THSD7B: variants seen among roughly 807,000 people sequenced by gnomAD.
THSD7B encodes the protein thrombospondin type 1 domain containing 7B, also known as thrombospondin type-1 domain-containing protein 7B.
Under a neutral mutation model 213.6 loss-of-function variants are expected in THSD7B, and 138 were observed. That is an observed-to-expected ratio of 0.65 (90% CI 0.56 to 0.74). The LOEUF (loss-of-function observed/expected upper bound fraction) is 0.74. Ranked by LOEUF, THSD7B falls within the 30% of genes least tolerant of loss-of-function variation. The pLI is 0.00. For missense variants in THSD7B, 1,931 were observed against 1,991.5 expected, an observed-to-expected ratio of 0.97 and a Z score of 0.58; for synonymous variants, 742 against 687.0, an observed-to-expected ratio of 1.08 and a Z score of -1.25.
At chr2:136,790,418 T>C (rs1377757170) in intron 1 of THSD7B, among the ~76,000 whole-genome samples, 3 of 152,118 alleles carry the variant, frequency 2.0e-5, no homozygotes, top group African/African-American at 7.2e-5. Flanking sequence ...TCACATTTGT[T>C]CATCAAAGTT....
At chr2:137,395,831 C>G (rs1044612762) in intron 12 of THSD7B, among the ~76,000 whole-genome samples, 1 of 149,902 alleles carries the variant, frequency 6.7e-6, no homozygotes, top group African/African-American at 2.5e-5. Flanking sequence ...ATTATTGCCA[C>G]AATTTCAGCT....
chr2:137,274,820 T>A (rs1411226803), intron 11 of THSD7B, among the ~76,000 whole-genome samples: 1 of 152,068 alleles, frequency 6.6e-6, no homozygotes, highest in Non-Finnish European at 1.5e-5. Flanking sequence ...ATAAAGTAAA[T>A]TTATAACAAT....
chr2:137,056,938 C>T lies in THSD7B; in HGVS notation c.658C>T (p.Leu220=). The T allele has an allele frequency of 6.2e-7, 1 of 1,613,940 alleles. No homozygotes were observed. The highest frequency in any genetic ancestry group is 1.1e-5 in the South Asian group (1 of 91,080). The change falls in exon 3 of 28, where the codon CTG becomes TTG. Residue 220 remains leucine, a synonymous_variant. Coordinates refer to ENST00000409968, the MANE Select transcript of THSD7B (RefSeq NM_001316349.2). ...PLFGGLQCPN[L]TESRACDAPI... is the part of the protein sequence containing the mutation. ...CTTTGGTGGTTTGCAATGTCCAAAT[C>T]TGACTGAGTCAAGAGCCTGTGATGC...
chr2:137,441,311 C>G (rs1371319455), intron 14 of THSD7B, among the ~76,000 whole-genome samples: 1 of 152,062 alleles, frequency 6.6e-6, no homozygotes, highest in African/African-American at 2.4e-5. Flanking sequence ...TGAGCCTCCC[C>G]AGCAGAACCT....
rs146558461 is a variant in THSD7B, at chr2:137,083,358, T to G, written c.951-11515T>G. ...TCCTTTATATTTATTTTTTGGTAGTTTAAAAATCACTTTTAATATTTTCAA... is the reference window on the plus strand; with the variant it reads ...TCCTTTATATTTATTTTTTGGTAGTGTAAAAATCACTTTTAATATTTTCAA... On this transcript the variant is annotated intron_variant, in intron 3 of 27. Coordinates refer to ENST00000409968, the MANE Select transcript of THSD7B (RefSeq NM_001316349.2). Among the ~76,000 whole-genome samples, 266 of 152,242 alleles carry G rather than the reference T, an allele frequency of 1.7e-3. 1 individual carries two copies. The highest frequency in any genetic ancestry group is 6.2e-3 in the African/African-American group (259 of 41,572).
At chr2:137,568,991 G>T (rs1298408826) in intron 16 of THSD7B, among the ~76,000 whole-genome samples, 3 of 152,208 alleles carry the variant, frequency 2.0e-5, no homozygotes, top group Non-Finnish European at 2.9e-5. Context: ...TTATTAAGGT[G>T]AGGACTTTGT....
chr2:137,080,367 G>GT (rs70975798), intron 3 of THSD7B, among the ~76,000 whole-genome samples: 3,074 of 98,284 alleles, frequency 0.031, 58 homozygotes, highest in Non-Finnish European at 0.042. Context: ...ATGCCCAGCT[G>GT]TTTTTTTTTT....
intron 10 of THSD7B, among the ~76,000 whole-genome samples, chr2:137,265,394 A>T (rs1682563105): frequency 6.6e-6 from 1 of 152,202 alleles, no homozygotes; most frequent in Non-Finnish European, 1.5e-5. Context: ...ACCACTGTGG[A>T]AGTCAGTGTG....
At chr2:137,126,449 C>T (rs188235457) in intron 5 of THSD7B, among the ~76,000 whole-genome samples, 1 of 151,432 alleles carries the variant, frequency 6.6e-6, no homozygotes, top group East Asian at 2.0e-4. Flanking sequence ...TTGAAGGTTT[C>T]CCCCACCCCC....
At chr2:136,952,585 A>G (rs1685055754) in intron 2 of THSD7B, among the ~76,000 whole-genome samples, 1 of 152,136 alleles carries the variant, frequency 6.6e-6, no homozygotes, top group Non-Finnish European at 1.5e-5. Flanking sequence ...ATCATCTAAC[A>G]GACCCAAACC....
At chr2:137,590,792 G>GTTTTTTTTTTTTTTGTTTTTTTTT (rs1681847358) in intron 17 of THSD7B, among the ~76,000 whole-genome samples, 1 of 88,716 alleles carries the variant, frequency 1.1e-5, no homozygotes, top group African/African-American at 4.1e-5. Flanking sequence ...CTTTGAAATA[G>GTTTTTTTTTTTTTTGTTTTTTTTT]TTTTTTTTTT....
At chr2:137,416,311 G>A (rs902868510) in intron 14 of THSD7B, among the ~76,000 whole-genome samples, 1 of 152,100 alleles carries the variant, frequency 6.6e-6, no homozygotes, top group East Asian at 1.9e-4. Context: ...TCCTCAGCTG[G>A]ACCCTCGAGG....
At chr2:137,270,744 TA>T (rs550901849) in intron 10 of THSD7B, among the ~76,000 whole-genome samples, 1 of 151,970 alleles carries the variant, frequency 6.6e-6, no homozygotes, top group Admixed American at 6.6e-5. Flanking sequence ...GGGTAGGTCT[TA>T]AAAAAATATG....
At chr2:137,089,036 G>A (rs189554813) in intron 3 of THSD7B, among the ~76,000 whole-genome samples, 145 of 152,166 alleles carry the variant, frequency 9.5e-4, no homozygotes, top group Middle Eastern at 6.8e-3. Context: ...ATATAAACTA[G>A]TGTAACCACT....
intron 2 of THSD7B, among the ~76,000 whole-genome samples, chr2:136,930,923 A>G (rs1684617443): frequency 6.6e-6 from 1 of 152,188 alleles, no homozygotes; most frequent in Non-Finnish European, 1.5e-5. Flanking sequence ...CTGGTTCAAT[A>G]TAGTACTACA....
At chr2:137,413,836 T>C (rs1686728353) in intron 14 of THSD7B, among the ~76,000 whole-genome samples, 2 of 152,174 alleles carry the variant, frequency 1.3e-5, no homozygotes, top group Non-Finnish European at 2.9e-5. Flanking sequence ...GTCTACAGAC[T>C]GACTTAAAAG....
At chr2:137,660,234 A>G (rs1042063634) in intron 25 of THSD7B, among the ~76,000 whole-genome samples, 1 of 151,872 alleles carries the variant, frequency 6.6e-6, no homozygotes, top group African/African-American at 2.4e-5. Flanking sequence ...TTTTTTTTTC[A>G]AAGCAGAAAT....
At chr2:136,796,874 C>A (rs764254015) in intron 1 of THSD7B, among the ~76,000 whole-genome samples, 110 of 151,724 alleles carry the variant, frequency 7.3e-4, no homozygotes, top group Non-Finnish European at 8.5e-4. Context: ...ACTTTCTCTG[C>A]TTCTATATCT....
At chr2:137,316,816 A>C (rs1684121273) in intron 12 of THSD7B, among the ~76,000 whole-genome samples, 1 of 151,960 alleles carries the variant, frequency 6.6e-6, no homozygotes, top group Admixed American at 6.6e-5. Context: ...ATGATATGGT[A>C]ATTTTGATGG....
Sources: allele counts gnomAD v4.1 joint callset (sites outside exome capture counted in the v4.1 genomes callset), GRCh38; gene constraint gnomAD v4.1.1; transcripts MANE v1.5; gene names NCBI Gene and HGNC (gene_info 2026-07-23, HGNC 2026-07-21).